Variants in HIGD1C observed in about 807,000 individuals in gnomAD.
HIGD1C encodes HIG1 domain family member 1C.
Under a neutral mutation model 13.1 loss-of-function variants are expected in HIGD1C, and 11 were observed. That is an observed-to-expected ratio of 0.84 (90% CI 0.53 to 1.39). The LOEUF (loss-of-function observed/expected upper bound fraction) is 1.39. Ranked by LOEUF, HIGD1C falls within the 40% of genes most tolerant of loss-of-function variation. The pLI is 0.00. For missense variants in HIGD1C, 110 were observed against 112.0 expected (o/e 0.98, Z 0.08); for synonymous variants, 36 against 37.7 (o/e 0.95, Z 0.17).
the HIGD1C span, among the ~76,000 whole-genome samples, chr12:50,937,904 A>T: frequency 1.3e-5 from 2 of 152,192 alleles, no homozygotes; most frequent in East Asian, 3.9e-4. Flanking sequence ...GTGCATGCTG[A>T]TGGGTCCATG....
chr12:50,954,211 C>A lies in HIGD1C; in HGVS notation c.94+119C>A, dbSNP rs1939003671. The A allele has an allele frequency of 4.7e-6, 3 of 633,862 alleles. No individual in the cohort carries two copies. In the East Asian group the frequency reaches 8.0e-5, roughly 17 times the overall value. 39.3% of individuals were successfully genotyped at this position (633,862 alleles called of 1,614,324 possible). On this transcript the variant is annotated intron_variant, in intron 1 of 2. Transcript: ENST00000398455. The stretch of plus-strand genomic sequence containing the variant: ...AATTTTTTCAGATAATTGAAGCTAA[C>A]CTCCTCTAAGCATGTGTTGAACTTT...
chr12:50,939,329 G>C, the HIGD1C span, among the ~76,000 whole-genome samples: 2 of 152,058 alleles, frequency 1.3e-5, no homozygotes, highest in African/African-American at 2.4e-5. Flanking sequence ...TGTATTTTTA[G>C]TAAAGACGGG....
intron 2 of HIGD1C, among the ~76,000 whole-genome samples, chr12:50,969,663 T>G (rs936236482): frequency 1.4e-5 from 2 of 148,092 alleles, no homozygotes; most frequent in African/African-American, 5.0e-5. Context: ...CACGCCATTG[T>G]ACCACTCCAG....
At chr12:50,948,232 C>A in the HIGD1C span, among the ~76,000 whole-genome samples, 1 of 152,322 alleles carries the variant, frequency 6.6e-6, no homozygotes, top group African/African-American at 2.4e-5. Context: ...CTCTTCACAA[C>A]TTTAAAATTA....
chr12:50,963,938 T>G (rs949083681), intron 2 of HIGD1C, among the ~76,000 whole-genome samples: 5 of 152,180 alleles, frequency 3.3e-5, no homozygotes, highest in Non-Finnish European at 5.9e-5. Flanking sequence ...AGTGTCAAAA[T>G]CAGCCACCCC....
chr12:50,942,265 A>G, the HIGD1C span, among the ~76,000 whole-genome samples: 2 of 152,114 alleles, frequency 1.3e-5, no homozygotes, highest in African/African-American at 2.4e-5. Flanking sequence ...TTCTTACTCT[A>G]TATTTTTTAA....
chr12:50,954,546 T>C (rs1939017192), intron 1 of HIGD1C, among the ~76,000 whole-genome samples: 1 of 152,182 alleles, frequency 6.6e-6, no homozygotes, highest in Admixed American at 6.5e-5. Flanking sequence ...GTTTCTATCT[T>C]ACTATTGGGC....
chr12:50,933,511 C>T, the HIGD1C span, among the ~76,000 whole-genome samples: 1 of 152,356 alleles, frequency 6.6e-6, no homozygotes, highest in Non-Finnish European at 1.5e-5. Flanking sequence ...GAACAGGGCT[C>T]AGATAATGTT....
intron 2 of HIGD1C, among the ~76,000 whole-genome samples, chr12:50,966,012 TCAGTTCTAGGGATAC>T (rs745972677): frequency 2.6e-5 from 4 of 152,288 alleles, no homozygotes; most frequent in Non-Finnish European, 5.9e-5. Flanking sequence ...CCCATAAGTT[TCAGTTCTAGGGATAC>T]CATAATCAGT....
chr12:50,931,828 T>C, the HIGD1C span: 4 of 152,044 alleles, frequency 2.6e-5, no homozygotes, highest in African/African-American at 9.6e-5. Context: ...ACCTCCTAAA[T>C]TGTTGGGATT....
At chr12:50,937,675 G>T in the HIGD1C span, among the ~76,000 whole-genome samples, 1 of 152,170 alleles carries the variant, frequency 6.6e-6, no homozygotes, top group African/African-American at 2.4e-5. Context: ...AGACACTGGA[G>T]GGTGAAGAAG....
chr12:50,943,553 A>G, the HIGD1C span, among the ~76,000 whole-genome samples: 10 of 152,084 alleles, frequency 6.6e-5, no homozygotes, highest in Non-Finnish European at 1.2e-4. Flanking sequence ...TACTAAAAAT[A>G]CAAAAAATTA....
chr12:50,933,346 G>A, the HIGD1C span, among the ~76,000 whole-genome samples: 1 of 152,302 alleles, frequency 6.6e-6, no homozygotes, highest in East Asian at 1.9e-4. Flanking sequence ...AAGAAAAAAA[G>A]GCAAAACATG....
At chr12:50,970,468 T>C in exon 3 of HIGD1C, 1 of 1,528,806 alleles carries the variant, frequency 6.5e-7, no homozygotes, top group South Asian at 1.2e-5. Context: ...GTATAAGGAT[T>C]ACATTAGACC....
chr12:50,939,748 C>A, the HIGD1C span, among the ~76,000 whole-genome samples: 1 of 152,266 alleles, frequency 6.6e-6, no homozygotes, highest in African/African-American at 2.4e-5. Flanking sequence ...GCTTCATAAA[C>A]CATAAAACTG....
At chr12:50,961,918 C>T (rs4768942) in intron 2 of HIGD1C, among the ~76,000 whole-genome samples, 25,471 of 152,060 alleles carry the variant, frequency 0.17, 2,535 homozygotes, top group East Asian at 0.5. Context: ...AGCCTTACTA[C>T]AAAGTTACAG....
chr12:50,969,125 T>A (rs1018100556), intron 2 of HIGD1C, among the ~76,000 whole-genome samples: 1 of 150,672 alleles, frequency 6.6e-6, no homozygotes, highest in Non-Finnish European at 1.5e-5. Context: ...TGAAACCCCA[T>A]CTCTACTAAA....
chr12:50,957,936 A>AGG (rs1424312063), intron 1 of HIGD1C, among the ~76,000 whole-genome samples: 13 of 72,016 alleles, frequency 1.8e-4, no homozygotes, highest in African/African-American at 3.0e-4. Flanking sequence ...CATGAATTGG[A>AGG]GGTGTGTGTG....
the HIGD1C span, among the ~76,000 whole-genome samples, chr12:50,939,707 A>C: frequency 2.6e-5 from 4 of 152,150 alleles, no homozygotes; most frequent in East Asian, 7.7e-4. Context: ...CAGGATTCTT[A>C]TGAGGATGAA....
Sources: gnomAD v4.1 joint callset for allele counts (sites outside exome capture counted in the v4.1 genomes callset) on GRCh38, gnomAD v4.1.1 for gene constraint, MANE v1.5 for transcripts, NCBI Gene and HGNC (gene_info 2026-07-23, HGNC 2026-07-21) for gene names.